Variants in GPBAR1 observed in about 807,000 individuals in gnomAD.
GPBAR1 encodes G-protein coupled bile acid receptor 1.
Under a neutral mutation model 13.0 loss-of-function variants are expected in GPBAR1, and 13 were observed. The observed-to-expected ratio is 1.00, with a 90% CI of 0.65 to 1.59. The LOEUF (loss-of-function observed/expected upper bound fraction) is 1.59. Among genes scored for constraint, GPBAR1 ranks in the 40% most tolerant of loss-of-function variants. The pLI is 0.00. For missense variants in GPBAR1, 398 were observed against 436.4 expected, an observed-to-expected ratio of 0.91 and a Z score of 0.78; for synonymous variants, 193 against 205.2, an observed-to-expected ratio of 0.94 and a Z score of 0.51.
chr2:218,263,562 A>C lies in GPBAR1; in HGVS notation c.838A>C (p.Met280Leu), dbSNP rs779917409. The change falls in exon 2 of 2, where the codon ATG becomes CTG. Residue 280 changes from methionine to leucine, a missense_variant. Transcript: ENST00000519574. This position sits in a 1 kb window ranked among gnomAD's most constrained non-coding sequence, Gnocchi z 4.2. ...SASAAAVPVA[M>L]GLGDQRYTAP... ...CAGTGCAGCGGCAGTGCCCGTAGCCATGGGGCTGGGCGATCAGCGCTACAC... is the reference window on the plus strand; with the variant it reads ...CAGTGCAGCGGCAGTGCCCGTAGCCCTGGGGCTGGGCGATCAGCGCTACAC... 3 of 1,612,456 alleles carry C rather than the reference A, an allele frequency of 1.9e-6. No homozygotes were observed. In the Admixed American group the frequency reaches 5.0e-5, roughly 27 times the overall value.
chr2:218,263,070 AG>A lies in GPBAR1; in HGVS notation c.348del (p.Arg116SerfsTer153). On this transcript the variant is annotated frameshift_variant, in exon 2 of 2. Transcript: ENST00000519574. LOFTEE classifies it high-confidence loss of function. This position sits in a 1 kb window ranked among gnomAD's most constrained non-coding sequence, Gnocchi z 4.2. ...CGGGGAGCGCTACATGGCAGTCCTGAGGCCACTCCAGCCCCCTGGGAGCATT... is the reference window on the plus strand; with the variant it reads ...CGGGGAGCGCTACATGGCAGTCCTGAGCCACTCCAGCCCCCTGGGAGCATT... ...VHGERYMAVL[R>X]PLQPPGSIRL... 1 of 1,613,474 alleles carries A rather than the reference AG, an allele frequency of 6.2e-7. No individual in the cohort carries two copies. The highest frequency in any genetic ancestry group is 8.5e-7 in the Non-Finnish European group (1 of 1,179,828).
chr2:218,262,977 T>C lies in GPBAR1; in HGVS notation c.253T>C (p.Cys85Arg), dbSNP rs920194853. ...WNQSRRGYWS[C>R]LLVYLAPNFS... The stretch of plus-strand genomic sequence containing the variant: ...CCAGAGTCGCCGGGGTTACTGGTCC[T>C]GCCTCCTCGTCTACTTGGCTCCCAA... The change falls in exon 2 of 2, where the codon TGC becomes CGC. Residue 85 changes from cysteine to arginine, a missense_variant. Coordinates refer to ENST00000519574, the MANE Select transcript of GPBAR1 (RefSeq NM_170699.3). The surrounding 1 kb of genome is among the most constrained non-coding windows in gnomAD (Gnocchi z 5.1). 6.2e-7 allele frequency: 1 copy of C among 1,613,914 alleles called. No homozygotes were observed. The highest frequency in any genetic ancestry group is 1.3e-5 in the African/African-American group (1 of 75,012).
chr2:218,263,532 A>G lies in GPBAR1; in HGVS notation c.808A>G (p.Ser270Gly). The G allele has an allele frequency of 6.2e-7, 1 of 1,612,228 alleles. No homozygotes were observed. The highest frequency in any genetic ancestry group is 8.5e-7 in the Non-Finnish European group (1 of 1,179,596). Residue 270 changes from serine (S) to glycine (G), a missense_variant, in exon 2 of 2, where the codon AGT (serine) becomes GGT (glycine). Transcript: ENST00000519574. This position sits in a 1 kb window ranked among gnomAD's most constrained non-coding sequence, Gnocchi z 4.2. ...ACTGTTGTCCCTCCTCTCCCTAGGAAGTGCCAGTGCAGCGGCAGTGCCCGT... is the reference window on the plus strand; with the variant it reads ...ACTGTTGTCCCTCCTCTCCCTAGGAGGTGCCAGTGCAGCGGCAGTGCCCGT... ...GTLLSLLSLGSASAAAVPVAM... is the reference protein window; with the variant it reads ...GTLLSLLSLGGASAAAVPVAM...
Position 218,263,597 on chromosome 2 carries a change from G to C in GPBAR1, c.873G>C (p.Trp291Cys), listed in dbSNP as rs190689957. The C allele has an allele frequency of 8.1e-6, 13 of 1,612,820 alleles. No individual in the cohort carries two copies. The highest frequency in any genetic ancestry group is 1.6e-4 in the Middle Eastern group (1 of 6,062). The change falls in exon 2 of 2, where the codon TGG (tryptophan) becomes TGC (cysteine). Residue 291 changes from tryptophan to cysteine, a missense_variant. Transcript: ENST00000519574. The surrounding 1 kb of genome is among the most constrained non-coding windows in gnomAD (Gnocchi z 4.2). The part of the protein sequence containing the change: ...GLGDQRYTAP[W>C]RAAAQRCLQG... ...GCGATCAGCGCTACACAGCCCCCTG[G>C]AGGGCAGCCGCCCAAAGGTGCCTGC...
Position 218,263,574 on chromosome 2 carries a change from G to T in GPBAR1, c.850G>T (p.Asp284Tyr). 1 of 1,612,524 alleles carries T rather than the reference G, an allele frequency of 6.2e-7. No homozygotes were observed. The highest frequency in any genetic ancestry group is 8.5e-7 in the Non-Finnish European group (1 of 1,179,746). The stretch of plus-strand genomic sequence containing the variant: ...AGTGCCCGTAGCCATGGGGCTGGGC[G>T]ATCAGCGCTACACAGCCCCCTGGAG... ...AAVPVAMGLG[D>Y]QRYTAPWRAA... Residue 284 changes from aspartate to tyrosine, a missense_variant, in exon 2 of 2, where the codon GAT becomes TAT. Asp to Tyr is a radical substitution (Grantham distance 160). Coordinates refer to ENST00000519574, the MANE Select transcript of GPBAR1 (RefSeq NM_170699.3). This position sits in a 1 kb window ranked among gnomAD's most constrained non-coding sequence, Gnocchi z 4.2.
At chr2:218,260,709 T>G (rs1198159320), upstream of GPBAR1, among the ~76,000 whole-genome samples, 2 of 151,938 alleles carry the variant, frequency 1.3e-5, no homozygotes, top group Non-Finnish European at 2.9e-5. Context: ...CACACGGAAG[T>G]GTGGAGGGAG....
Position 218,262,913 on chromosome 2 carries a change from C to T in GPBAR1, c.189C>T (p.Leu63=), listed in dbSNP as rs111925653. 1.4e-4 allele frequency: 224 copies of T among 1,613,674 alleles called. No individual in the cohort carries two copies. The African/African-American group carries it at 2.4e-3, about 17-fold the overall frequency. Residue 63 remains leucine (L), a synonymous_variant, in exon 2 of 2, where the codon CTC becomes CTT. Transcript: ENST00000519574. The surrounding 1 kb of genome is among the most constrained non-coding windows in gnomAD (Gnocchi z 5.1). ...FFLSLLLAGL[L]TGLALPTLPG... ...TGAGCCTACTGCTGGCTGGGCTGCT[C>T]ACGGGTCTGGCATTGCCCACATTGC... is the stretch of plus-strand genomic sequence containing the variant.
At position 218,263,522 on chromosome 2, in the gene GPBAR1, C is replaced by A. The variant is rs1690521578; in HGVS notation, c.798C>A (p.Leu266=). ...PLGPGTLLSL[L]SLGSASAAAV... is the part of the protein sequence containing the mutation. ...GGCCTGGGACACTGTTGTCCCTCCT[C>A]TCCCTAGGAAGTGCCAGTGCAGCGG... Residue 266 remains leucine (L), a synonymous_variant, in exon 2 of 2, where the codon CTC becomes CTA. Transcript: ENST00000519574. This position sits in a 1 kb window ranked among gnomAD's most constrained non-coding sequence, Gnocchi z 4.2. 6.2e-7 allele frequency: 1 copy of A among 1,611,966 alleles called. No homozygotes were observed. The highest frequency in any genetic ancestry group is 1.7e-5 in the Admixed American group (1 of 59,908).
chr2:218,263,295 A>G lies in GPBAR1; in HGVS notation c.571A>G (p.Thr191Ala). 6.2e-7 allele frequency: 1 copy of G among 1,606,444 alleles called. No homozygotes were observed. Among genetic ancestry groups the G allele is most frequent in the Non-Finnish European group, 8.5e-7 (1 of 1,179,414 alleles). The change falls in exon 2 of 2, where the codon ACT (threonine) becomes GCT (alanine). Residue 191 changes from threonine (T) to alanine (A), a missense_variant. Thr to Ala is a moderately conservative substitution (Grantham distance 58, BLOSUM62 0). Coordinates refer to ENST00000519574, the MANE Select transcript of GPBAR1 (RefSeq NM_170699.3). The surrounding 1 kb of genome is among the most constrained non-coding windows in gnomAD (Gnocchi z 4.2). ...AAFLSVRVLATAHRQLQDICR... is the reference protein window; with the variant it reads ...AAFLSVRVLAAAHRQLQDICR... ...CTTCCTCTCTGTCCGCGTGCTGGCC[A>G]CTGCCCACCGCCAGCTGCAGGACAT...
In GPBAR1 at chr2:218,263,381, C is replaced by T. The variant is rs755147795; in HGVS notation, c.657C>T (p.Thr219=). 3 of 1,599,086 alleles carry T rather than the reference C, an allele frequency of 1.9e-6. No homozygotes were observed. In the African/African-American group the frequency reaches 4.0e-5, roughly 21 times the overall value. Residue 219 remains threonine, a synonymous_variant, in exon 2 of 2, where the codon ACC becomes ACT. Coordinates refer to ENST00000519574, the MANE Select transcript of GPBAR1 (RefSeq NM_170699.3). This position sits in a 1 kb window ranked among gnomAD's most constrained non-coding sequence, Gnocchi z 4.2. The stretch of plus-strand genomic sequence containing the variant: ...CCTCCGCCCTGGCCCGGGCCCTTAC[C>T]TGGAGGCAGGCAAGGGCACAGGCTG... The part of the protein sequence containing the change: ...DEPSALARAL[T]WRQARAQAGA...
At position 218,263,575 on chromosome 2, in the gene GPBAR1, A is replaced by G. The variant is rs1328895879; in HGVS notation, c.851A>G (p.Asp284Gly). 6.2e-7 allele frequency: 1 copy of G among 1,612,428 alleles called. No homozygotes were observed. Among genetic ancestry groups the G allele is most frequent in the East Asian group, 2.2e-5 (1 of 44,858 alleles). Residue 284 changes from aspartate (D) to glycine (G), a missense_variant, in exon 2 of 2, where the codon GAT becomes GGT. By Grantham distance (94) the Asp-to-Gly change is moderately conservative (BLOSUM62 -1). Coordinates refer to ENST00000519574, the MANE Select transcript of GPBAR1 (RefSeq NM_170699.3). The surrounding 1 kb of genome is among the most constrained non-coding windows in gnomAD (Gnocchi z 4.2). ...AAVPVAMGLGDQRYTAPWRAA... is the reference protein window; with the variant it reads ...AAVPVAMGLGGQRYTAPWRAA... ...GTGCCCGTAGCCATGGGGCTGGGCG[A>G]TCAGCGCTACACAGCCCCCTGGAGG... is the stretch of plus-strand genomic sequence containing the variant.
Position 218,263,788 on chromosome 2 carries a change from CCCA to C in GPBAR1, c.*73_*75del. Reference sequence around the variant, plus strand: ...GCCATCCAGCCTGTCTCTACCGGGCCCCACTTCTCTGGATCAGAGACCCTGCCT... The same window carrying C: ...GCCATCCAGCCTGTCTCTACCGGGCCCTTCTCTGGATCAGAGACCCTGCCT... On this transcript the variant is annotated 3_prime_UTR_variant, in exon 2 of 2. Coordinates refer to ENST00000519574, the MANE Select transcript of GPBAR1 (RefSeq NM_170699.3). This position sits in a 1 kb window ranked among gnomAD's most constrained non-coding sequence, Gnocchi z 4.2. 1 of 1,570,508 alleles carries C rather than the reference CCCA, an allele frequency of 6.4e-7. No individual in the cohort carries two copies. The highest frequency in any genetic ancestry group is 8.8e-7 in the Non-Finnish European group (1 of 1,141,348).
chr2:218,259,600 C>A (rs539472874), upstream of GPBAR1: 2 of 152,406 alleles, frequency 1.3e-5, no homozygotes, highest in South Asian at 4.1e-4. Context: ...TTTCCTCTTC[C>A]CACTTTTTGT....
At position 218,263,612 on chromosome 2, in the gene GPBAR1, A is replaced by T; in HGVS notation, c.888A>T (p.Gln296His). ...RYTAPWRAAA[Q>H]RCLQGLWGRA... ...CAGCCCCCTGGAGGGCAGCCGCCCA[A>T]AGGTGCCTGCAGGGGCTGTGGGGAA... Residue 296 changes from glutamine to histidine, a missense_variant, in exon 2 of 2, where the codon CAA becomes CAT. Gln to His is a conservative substitution (Grantham distance 24). Transcript: ENST00000519574. The surrounding 1 kb of genome is among the most constrained non-coding windows in gnomAD (Gnocchi z 4.2). The T allele has an allele frequency of 6.2e-7, 1 of 1,612,830 alleles. No individual in the cohort carries two copies. Among genetic ancestry groups the T allele is most frequent in the Non-Finnish European group, 8.5e-7 (1 of 1,179,850 alleles).
chr2:218,263,486 C>T lies in GPBAR1; in HGVS notation c.762C>T (p.Arg254=), dbSNP rs745643950. The T allele has an allele frequency of 2.5e-6, 4 of 1,609,486 alleles. No individual in the cohort carries two copies. In the Admixed American group the frequency reaches 6.7e-5, roughly 27 times the overall value. Residue 254 remains arginine, a synonymous_variant, in exon 2 of 2, where the codon CGC becomes CGT. Transcript: ENST00000519574. This position sits in a 1 kb window ranked among gnomAD's most constrained non-coding sequence, Gnocchi z 4.2. ...TCTCAGTCCTGGCCTATGAGCAGCG[C>T]CCGCCACTGGGGCCTGGGACACTGT... is the stretch of plus-strand genomic sequence containing the variant. ...LLLSVLAYEQ[R]PPLGPGTLLS...
Position 218,263,304 on chromosome 2 carries a change from C to T in GPBAR1, c.580C>T (p.Arg194Cys), listed in dbSNP as rs764881762. The T allele has an allele frequency of 2.0e-5, 32 of 1,605,694 alleles. No homozygotes were observed. Among genetic ancestry groups the T allele is most frequent in the Admixed American group, 1.5e-4 (9 of 59,876 alleles). Residue 194 changes from arginine (R) to cysteine (C), a missense_variant, in exon 2 of 2, where the codon CGC becomes TGC. Coordinates refer to ENST00000519574, the MANE Select transcript of GPBAR1 (RefSeq NM_170699.3). This position sits in a 1 kb window ranked among gnomAD's most constrained non-coding sequence, Gnocchi z 4.2. Reference sequence around the variant, plus strand: ...TGTCCGCGTGCTGGCCACTGCCCACCGCCAGCTGCAGGACATCTGCCGGCT... The same window carrying T: ...TGTCCGCGTGCTGGCCACTGCCCACTGCCAGCTGCAGGACATCTGCCGGCT... ...LSVRVLATAH[R>C]QLQDICRLER...
chr2:218,261,894 G>A (rs1176497922), intron 1 of GPBAR1, among the ~76,000 whole-genome samples: 3 of 152,130 alleles, frequency 2.0e-5, no homozygotes, highest in Non-Finnish European at 1.5e-5. Context: ...GAAGGACAGG[G>A]ACAGATGAGA....
chr2:218,263,733 T>C lies in GPBAR1; in HGVS notation c.*16T>C, dbSNP rs774769391. The C allele has an allele frequency of 1.9e-6, 3 of 1,612,774 alleles. No individual in the cohort carries two copies. Among genetic ancestry groups the C allele is most frequent in the African/African-American group, 1.3e-5 (1 of 74,922 alleles). ...CTTGAACTAAAGGAAGGGCCTCTGCTGACTCCTACCAGAGCATCCGTCCAG... is the reference window on the plus strand; with the variant it reads ...CTTGAACTAAAGGAAGGGCCTCTGCCGACTCCTACCAGAGCATCCGTCCAG... On this transcript the variant is annotated 3_prime_UTR_variant, in exon 2 of 2. Coordinates refer to ENST00000519574, the MANE Select transcript of GPBAR1 (RefSeq NM_170699.3). The surrounding 1 kb of genome is among the most constrained non-coding windows in gnomAD (Gnocchi z 4.2).
chr2:218,263,454 C>G lies in GPBAR1; in HGVS notation c.730C>G (p.Leu244Val), dbSNP rs754159946. The G allele has an allele frequency of 6.9e-6, 11 of 1,604,524 alleles. No individual in the cohort carries two copies. Among genetic ancestry groups the G allele is most frequent in the African/African-American group, 4.0e-5 (3 of 74,740 alleles). Reference sequence around the variant, plus strand: ...GTGCTGGGGGCCCTACGTGGCCACACTGCTCCTCTCAGTCCTGGCCTATGA... The same window carrying G: ...GTGCTGGGGGCCCTACGTGGCCACAGTGCTCCTCTCAGTCCTGGCCTATGA... ...GLCWGPYVAT[L>V]LLSVLAYEQR... Residue 244 changes from leucine to valine, a missense_variant, in exon 2 of 2, where the codon CTG becomes GTG. Physicochemically the swap from Leu to Val is conservative, Grantham distance 32 (BLOSUM62 1). Transcript: ENST00000519574. This position sits in a 1 kb window ranked among gnomAD's most constrained non-coding sequence, Gnocchi z 4.2.
Sources: gnomAD v4.1 joint callset for allele counts (sites outside exome capture counted in the v4.1 genomes callset) on GRCh38, gnomAD v4.1.1 for gene constraint, Gnocchi (gnomAD v3.1) non-coding constraint, MANE v1.5 for transcripts, NCBI Gene and HGNC (gene_info 2026-07-23, HGNC 2026-07-21) for gene names.